ARMH3: variants seen among roughly 807,000 people sequenced by gnomAD.
The protein encoded by ARMH3 is armadillo like helical domain containing 3.
A neutral mutation model predicts 99.1 loss-of-function variants in ARMH3; 60 were observed. The ratio of observed to expected loss-of-function variants is 0.61; its 90% CI spans 0.49 to 0.75. The LOEUF (loss-of-function observed/expected upper bound fraction) is 0.75. Ranked by LOEUF, ARMH3 falls within the 30% of genes least tolerant of loss-of-function variation. ARMH3 has a pLI of 0.00. For missense variants in ARMH3, 679 were observed against 843.1 expected (o/e 0.81, Z 2.41); for synonymous variants, 285 against 292.8 (o/e 0.97, Z 0.27).
At chr10:101,893,006 G>T (rs982225088) in intron 23 of ARMH3, among the ~76,000 whole-genome samples, 6 of 152,210 alleles carry the variant, frequency 3.9e-5, no homozygotes, top group African/African-American at 1.4e-4. Context: ...GACCAAGTGG[G>T]GGTCAAACAT....
At chr10:101,862,814 T>C (rs1282978066) in intron 24 of ARMH3, among the ~76,000 whole-genome samples, 1 of 152,184 alleles carries the variant, frequency 6.6e-6, no homozygotes, top group Non-Finnish European at 1.5e-5. Context: ...AACTCAGTTA[T>C]ATTCATAAAT....
intron 23 of ARMH3, among the ~76,000 whole-genome samples, chr10:101,922,452 A>G (rs895369781): frequency 2.0e-5 from 3 of 152,124 alleles, no homozygotes; most frequent in African/African-American, 7.2e-5. Flanking sequence ...AGGTCTTGCT[A>G]TGTTGCCCAG....
At chr10:102,002,738 A>G (rs1274255123) in intron 14 of ARMH3, among the ~76,000 whole-genome samples, 4 of 152,176 alleles carry the variant, frequency 2.6e-5, no homozygotes, top group Non-Finnish European at 5.9e-5. Flanking sequence ...AGTTGGGCAC[A>G]TCACCTAAGG....
At chr10:102,030,639 A>G (rs2067106494) in intron 4 of ARMH3, among the ~76,000 whole-genome samples, 1 of 152,024 alleles carries the variant, frequency 6.6e-6, no homozygotes, top group Non-Finnish European at 1.5e-5. Flanking sequence ...AACCCAGGAG[A>G]CGGATGTTGC....
chr10:101,856,703 T>G (rs1299854346), intron 24 of ARMH3, among the ~76,000 whole-genome samples: 1 of 152,250 alleles, frequency 6.6e-6, no homozygotes, highest in Admixed American at 6.5e-5. Context: ...TCTTGATCAC[T>G]GTTCTACTTT....
At chr10:102,044,335 A>G (rs551621885) in intron 1 of ARMH3, among the ~76,000 whole-genome samples, 76 of 151,130 alleles carry the variant, frequency 5.0e-4, no homozygotes, top group African/African-American at 1.7e-3. Flanking sequence ...TTGGCCTCCC[A>G]AAGTGCTGGG....
chr10:102,007,188 A>G (rs1276877175), intron 13 of ARMH3, among the ~76,000 whole-genome samples: 1 of 150,702 alleles, frequency 6.6e-6, no homozygotes, highest in Non-Finnish European at 1.5e-5. Flanking sequence ...AGAAAAAAAA[A>G]GCTGAGAAGG....
intron 23 of ARMH3, among the ~76,000 whole-genome samples, chr10:101,900,578 C>A (rs182735981): frequency 2.0e-5 from 3 of 152,322 alleles, no homozygotes; most frequent in African/African-American, 4.8e-5. Context: ...AATTACACCT[C>A]ATTCCCATTA....
At chr10:101,993,410 C>T (rs961591914) in intron 17 of ARMH3, 128 bp downstream of exon 17, 4 of 603,750 alleles carry the variant, frequency 6.6e-6, no homozygotes, top group South Asian at 2.5e-5. Flanking sequence ...GTTGAACAGC[C>T]GTCATGCAAA....
chr10:102,041,610 G>C (rs369401127), intron 1 of ARMH3, among the ~76,000 whole-genome samples: 17 of 151,682 alleles, frequency 1.1e-4, no homozygotes, highest in African/African-American at 3.9e-4. Flanking sequence ...ATACACTAAA[G>C]CACAGGAAAT....
chr10:102,042,543 G>T (rs1298487718), intron 1 of ARMH3, among the ~76,000 whole-genome samples: 1 of 152,090 alleles, frequency 6.6e-6, no homozygotes, highest in African/African-American at 2.4e-5. Context: ...CTTCCATGTG[G>T]AGCAGCAGGA....
chr10:101,864,072 A>C lies in ARMH3; in HGVS notation c.1861-14180T>G, dbSNP rs150262269. On this transcript the variant is annotated intron_variant, in intron 24 of 25. Coordinates refer to ENST00000370033, the MANE Select transcript of ARMH3 (RefSeq NM_024541.3). Reference sequence around the variant, plus strand: ...CAAGACTCCATCTCAAAAAAAAAAAAAAAAAAACACACACACACACACACA... The same window carrying C: ...CAAGACTCCATCTCAAAAAAAAAAACAAAAAAACACACACACACACACACA... 5.0e-3 allele frequency among the ~76,000 whole-genome samples: 673 copies of C among 134,570 alleles called. 3 individuals are homozygous for C. Among genetic ancestry groups the C allele is most frequent in the Admixed American group, 7.8e-3 (101 of 13,028 alleles). 88.3% of individuals were successfully genotyped at this position (134,570 alleles called of 152,430 possible).
In ARMH3 at chr10:102,040,512, A is replaced by C. The variant is rs536663490; in HGVS notation, c.-11-387T>G. On this transcript the variant is annotated intron_variant, in intron 1 of 25. Coordinates refer to ENST00000370033, the MANE Select transcript of ARMH3 (RefSeq NM_024541.3). ...GCTGGAGTCACTGACGTACCACTTA[A>C]TGAGACAACGTTTAGGAAGAAGAAC... 3.9e-5 allele frequency among the ~76,000 whole-genome samples: 6 copies of C among 152,356 alleles called. No homozygotes were observed. The South Asian group carries it at 1.2e-3, about 32-fold the overall frequency.
Position 102,009,459 on chromosome 10 carries a change from AAG to A in ARMH3, c.879-12_879-11del. ...AATGGCCTCATTGGTTCTAAAGAAA[AAG>A]AGAACAAATTGGAGCAGTTTTTATA... On this transcript the variant is annotated splice_polypyrimidine_tract_variant and intron_variant, in intron 12 of 25. Coordinates refer to ENST00000370033, the MANE Select transcript of ARMH3 (RefSeq NM_024541.3). 1 of 1,611,636 alleles carries A rather than the reference AAG, an allele frequency of 6.2e-7. No homozygotes were observed. The highest frequency in any genetic ancestry group is 8.5e-7 in the Non-Finnish European group (1 of 1,177,954).
intron 24 of ARMH3, among the ~76,000 whole-genome samples, chr10:101,887,034 G>A (rs1158132085): frequency 6.6e-6 from 1 of 152,166 alleles, no homozygotes; most frequent in East Asian, 1.9e-4. Context: ...AACATTAAGT[G>A]ACATTCACAT....
Position 101,947,005 on chromosome 10 carries a change from T to C in ARMH3, c.1706-7067A>G, listed in dbSNP as rs1296116290. On this transcript the variant is annotated intron_variant, in intron 22 of 25. Transcript: ENST00000370033. The stretch of plus-strand genomic sequence containing the variant: ...GAGTTCAAGACCAGCCTGGCCAAGA[T>C]GGTGAAACCCCGTCTCTACTAAAAA... Among the ~76,000 whole-genome samples, 7 of 151,612 alleles carry C rather than the reference T, an allele frequency of 4.6e-5. No homozygotes were observed. In the South Asian group the frequency reaches 1.5e-3, roughly 32 times the overall value.
chr10:102,040,797 T>C (rs951033103), intron 1 of ARMH3, among the ~76,000 whole-genome samples: 1 of 152,056 alleles, frequency 6.6e-6, no homozygotes, highest in Non-Finnish European at 1.5e-5. Context: ...AGACTGATGG[T>C]GAAGTTAAAT....
intron 9 of ARMH3, 41 bp downstream of exon 9, chr10:102,013,927 T>C: frequency 6.7e-7 from 1 of 1,499,996 alleles, no homozygotes; most frequent in Non-Finnish European, 9.2e-7. Flanking sequence ...TACCATTGAA[T>C]GCAAATAAGT....
At chr10:101,849,184 T>C (rs560846133) in intron 25 of ARMH3, among the ~76,000 whole-genome samples, 1 of 152,290 alleles carries the variant, frequency 6.6e-6, no homozygotes, top group African/African-American at 2.4e-5. Context: ...GTTACAGGAC[T>C]GCAGGGGGGC....
Sources: gnomAD v4.1 joint callset for allele counts (sites outside exome capture counted in the v4.1 genomes callset) on GRCh38, gnomAD v4.1.1 for gene constraint, MANE v1.5 for transcripts, NCBI Gene and HGNC (gene_info 2026-07-23, HGNC 2026-07-21) for gene names.